WDFY2: variants seen among roughly 807,000 people sequenced by gnomAD.
WDFY2 encodes the protein WD repeat and FYVE domain-containing protein 2.
Under a neutral mutation model 56.4 loss-of-function variants are expected in WDFY2, and 36 were observed. That is an observed-to-expected ratio of 0.64 (90% CI 0.49 to 0.84). The LOEUF (loss-of-function observed/expected upper bound fraction) is 0.84, where lower values mean the gene tolerates loss of function less well. Ranked by LOEUF, WDFY2 falls within the 40% of genes least tolerant of loss-of-function variation. The pLI is 0.00. For missense variants in WDFY2, 444 were observed against 512.2 expected (o/e 0.87, Z 1.29); for synonymous variants, 176 against 183.7 (o/e 0.96, Z 0.34).
At chr13:51,594,438 G>A (rs1339412393) in intron 1 of WDFY2, among the ~76,000 whole-genome samples, 1 of 152,112 alleles carries the variant, frequency 6.6e-6, no homozygotes, top group East Asian at 1.9e-4. Context: ...ATTACTTATT[G>A]AGTGGTCCTT....
At chr13:51,636,031 CG>C (rs1955042819) in intron 1 of WDFY2, among the ~76,000 whole-genome samples, 1 of 152,118 alleles carries the variant, frequency 6.6e-6, no homozygotes, top group Non-Finnish European at 1.5e-5. Flanking sequence ...GAATGCCCAC[CG>C]GAAGTTTCAT....
intron 3 of WDFY2, among the ~76,000 whole-genome samples, chr13:51,691,569 T>C (rs1346602925): frequency 6.6e-6 from 1 of 152,082 alleles, no homozygotes; most frequent in African/African-American, 2.4e-5. Context: ...TCTGTTTTGG[T>C]ACCAGTACCA....
intron 4 of WDFY2, among the ~76,000 whole-genome samples, chr13:51,713,865 AAG>A (rs1163301192): frequency 1.1e-4 from 16 of 151,332 alleles, no homozygotes; most frequent in African/African-American, 3.7e-4. Context: ...AAAAAAAAAA[AAG>A]GAGAAATACT....
intron 3 of WDFY2, among the ~76,000 whole-genome samples, chr13:51,681,807 G>A (rs920624155): frequency 2.0e-4 from 31 of 152,108 alleles, no homozygotes; most frequent in African/African-American, 7.5e-4. Flanking sequence ...ATCATTTGCT[G>A]AAGGTTCTTT....
intron 3 of WDFY2, among the ~76,000 whole-genome samples, chr13:51,699,457 T>C (rs1394475529): frequency 3.3e-5 from 5 of 152,252 alleles, no homozygotes; most frequent in Non-Finnish European, 7.3e-5. Flanking sequence ...CTGCCGATAT[T>C]GCACCTTCAA....
intron 7 of WDFY2, among the ~76,000 whole-genome samples, chr13:51,747,077 G>C (rs974623071): frequency 6.6e-6 from 1 of 152,232 alleles, no homozygotes; most frequent in Non-Finnish European, 1.5e-5. Flanking sequence ...AAAATACTTA[G>C]TACAAATAGT....
At chr13:51,741,343 G>A (rs887048840) in intron 7 of WDFY2, among the ~76,000 whole-genome samples, 1 of 152,192 alleles carries the variant, frequency 6.6e-6, no homozygotes, top group African/African-American at 2.4e-5. Flanking sequence ...CTCTATGAGG[G>A]ACTCCTTGTC....
chr13:51,691,051 TTTTG>T (rs1956145498), intron 3 of WDFY2, among the ~76,000 whole-genome samples: 1 of 152,356 alleles, frequency 6.6e-6, no homozygotes, highest in Non-Finnish European at 1.5e-5. Context: ...TTGGTTGTTT[TTTTG>T]TTGTAAATTT....
chr13:51,727,931 A>C, intron 6 of WDFY2, 141 bp downstream of exon 6: 5 of 701,378 alleles, frequency 7.1e-6, no homozygotes, highest in South Asian at 2.1e-5. Context: ...TGCTTAACTC[A>C]TTTCAAAATG....
At chr13:51,727,821 G>C (rs1412861186) in intron 6 of WDFY2, 31 bp downstream of exon 6, 1 of 1,576,534 alleles carries the variant, frequency 6.3e-7, no homozygotes, top group Admixed American at 1.7e-5. Context: ...GTCATGTGCT[G>C]ATAGCACAGT....
At chr13:51,607,751 A>G (rs950429723) in intron 1 of WDFY2, among the ~76,000 whole-genome samples, 1 of 152,176 alleles carries the variant, frequency 6.6e-6, no homozygotes, top group Non-Finnish European at 1.5e-5. Flanking sequence ...CAGTTCAGCA[A>G]ATACTGTTGT....
chr13:51,737,212 G>A (rs904836497), intron 6 of WDFY2, among the ~76,000 whole-genome samples: 2 of 152,072 alleles, frequency 1.3e-5, no homozygotes, highest in African/African-American at 4.8e-5. Flanking sequence ...ATAGTAGTCA[G>A]CCAGGCACAT....
intron 1 of WDFY2, among the ~76,000 whole-genome samples, chr13:51,624,567 A>G (rs1190843089): frequency 1.3e-5 from 2 of 152,240 alleles, no homozygotes; most frequent in African/African-American, 4.8e-5. Context: ...CATGGAGCTT[A>G]TGTTCTTGGG....
At chr13:51,599,663 T>C (rs1954228059) in intron 1 of WDFY2, among the ~76,000 whole-genome samples, 1 of 152,228 alleles carries the variant, frequency 6.6e-6, no homozygotes, top group Non-Finnish European at 1.5e-5. Flanking sequence ...TACTCTGGAC[T>C]TTGAGTTGTT....
chr13:51,703,950 G>A (rs914359375), intron 4 of WDFY2, among the ~76,000 whole-genome samples: 3 of 152,060 alleles, frequency 2.0e-5, no homozygotes, highest in African/African-American at 7.2e-5. Flanking sequence ...TTAGAAAGTG[G>A]GTCCAGTAAA....
At chr13:51,722,878 G>A (rs1015568587) in intron 5 of WDFY2, among the ~76,000 whole-genome samples, 6 of 152,192 alleles carry the variant, frequency 3.9e-5, no homozygotes, top group African/African-American at 1.4e-4. Context: ...TTTATCCAGC[G>A]TCATTTGTCA....
intron 1 of WDFY2, among the ~76,000 whole-genome samples, chr13:51,593,223 A>G (rs941848911): frequency 6.6e-6 from 1 of 152,166 alleles, no homozygotes; most frequent in African/African-American, 2.4e-5. Context: ...TTTAATGATT[A>G]TACTGTATAT....
In WDFY2 at chr13:51,728,378, C is replaced by T. The variant is rs572603749; in HGVS notation, c.598+588C>T. On this transcript the variant is annotated intron_variant, in intron 6 of 11. Transcript: ENST00000298125. ...AGCAAGGTAATATAAAATATTCATG[C>T]TTAGCCTTTGAAAGACTTGATAGAT... Among the ~76,000 whole-genome samples, 3 of 152,278 alleles carry T rather than the reference C, an allele frequency of 2.0e-5. No homozygotes were observed. The South Asian group carries it at 6.2e-4, about 32-fold the overall frequency.
chr13:51,652,249 T>C (rs1034899324), intron 1 of WDFY2, among the ~76,000 whole-genome samples: 1 of 152,170 alleles, frequency 6.6e-6, no homozygotes, highest in Non-Finnish European at 1.5e-5. Context: ...TTGTTTTCCA[T>C]TTGCTTGGTA....
Sources: gnomAD v4.1 joint callset for allele counts (sites outside exome capture counted in the v4.1 genomes callset) on GRCh38, gnomAD v4.1.1 for gene constraint, MANE v1.5 for transcripts, NCBI Gene and HGNC (gene_info 2026-07-23, HGNC 2026-07-21) for gene names.